The following TTYH3 variants were observed in gnomAD, a reference collection of about 807,000 sequenced individuals.
TTYH3 encodes tweety family member 3, also known as protein tweety homolog 3.
TTYH3 carries 23 observed loss-of-function variants against 68.2 expected under a neutral mutation model. The observed-to-expected ratio is 0.34, with a 90% confidence interval of 0.24 to 0.48. TTYH3 has a LOEUF of 0.48. Among genes scored for constraint, TTYH3 ranks in the 20% least tolerant of loss-of-function variants. The pLI is 0.99. For synonymous variants in TTYH3, 360 were observed against 332.8 expected, an observed-to-expected ratio of 1.08 and a Z score of -0.89; for missense variants, 768 against 727.7, an observed-to-expected ratio of 1.06 and a Z score of -0.64.
chr7:2,633,285 C>T (rs1001683991), intron 1 of TTYH3, among the ~76,000 whole-genome samples: 1 of 152,122 alleles, frequency 6.6e-6, no homozygotes, highest in Non-Finnish European at 1.5e-5. Context: ...ATCAAAATGG[C>T]TTGGGAATCC....
intron 1 of TTYH3, among the ~76,000 whole-genome samples, chr7:2,632,708 G>C (rs1785554361): frequency 6.6e-6 from 1 of 152,258 alleles, no homozygotes; most frequent in Admixed American, 6.5e-5. Flanking sequence ...ATGACCCCCA[G>C]GCTCTGAGAT....
chr7:2,634,222 CT>C (rs570451592), intron 1 of TTYH3, among the ~76,000 whole-genome samples: 2 of 152,356 alleles, frequency 1.3e-5, no homozygotes, highest in South Asian at 4.1e-4. Context: ...GGCGTGCGTC[CT>C]GCCCCTGCCC....
In TTYH3 at chr7:2,652,181, C is replaced by A. The variant is rs1163715766; in HGVS notation, c.872-6C>A. On this transcript the variant is annotated splice_polypyrimidine_tract_variant and splice_region_variant and intron_variant, in intron 7 of 13. Transcript: ENST00000258796. ...CAGCTCAGCCTTCCCTGATGTCTCT[C>A]CGCAGACATCCTGCAGTACTACCTG... The A allele has an allele frequency of 6.2e-7, 1 of 1,613,192 alleles. No individual in the cohort carries two copies. The highest frequency in any genetic ancestry group is 2.2e-5 in the East Asian group (1 of 44,882).
rs1786548277 is a variant in TTYH3, at chr7:2,663,598, C to G, written c.*1859C>G. 1.3e-5 allele frequency: 2 copies of G among 152,608 alleles called. No homozygotes were observed. Among genetic ancestry groups the G allele is most frequent in the African/African-American group, 2.4e-5 (1 of 41,460 alleles). The allele number at this position is 152,608 out of a possible 1,614,324, so 9.5% of individuals were successfully genotyped here. A position where few individuals can be genotyped will look rare whatever the true frequency, so the allele number is the denominator to read the frequency against. ...CCACAGCCAACCTGCCCAGTCTTTCCTCTGGGCTTGACCCGCCAGGGGAGT... is the reference window on the plus strand; with the variant it reads ...CCACAGCCAACCTGCCCAGTCTTTCGTCTGGGCTTGACCCGCCAGGGGAGT... On this transcript the variant is annotated 3_prime_UTR_variant, in exon 14 of 14. Transcript: ENST00000258796.
Position 2,649,602 on chromosome 7 carries a change from G to T in TTYH3, c.758G>T (p.Ser253Ile). Residue 253 changes from serine (S) to isoleucine (I), a missense_variant, in exon 6 of 14, where the codon AGC (serine) becomes ATC (isoleucine). By Grantham distance (142) the Ser-to-Ile change is moderately radical. Transcript: ENST00000258796. ...CTGGGAGTCCTGGCCCTGGTCATCA[G>T]CTGGGGCGCGCTGGGCTTGGAGCTG... Reference protein sequence around the residue: ...CLLGVLALVISWGALGLELAV... With the variant: ...CLLGVLALVIIWGALGLELAV... 1.3e-6 allele frequency: 2 copies of T among 1,597,864 alleles called. No individual in the cohort carries two copies. Among genetic ancestry groups the T allele is most frequent in the African/African-American group, 1.3e-5 (1 of 74,960 alleles).
rs767606749 is a variant in TTYH3 at position 2,656,106 on chromosome 7, C to T, written c.1035C>T (p.Arg345=). ...EQPATKDPLL[R]VQEVLNGTEV... ...GTGCCCCCCAGGACCCCCTCCTCCG[C>T]GTCCAGGAGGTGCTGAATGGCACGG... The change falls in exon 10 of 14, where the codon CGC becomes CGT. Residue 345 remains arginine, a synonymous_variant. Transcript: ENST00000258796. The T allele has an allele frequency of 1.3e-5, 20 of 1,555,164 alleles. No homozygotes were observed. The highest frequency in any genetic ancestry group is 5.4e-5 in the African/African-American group (4 of 73,398).
chr7:2,655,923 G>A (rs1185546651), intron 9 of TTYH3, among the ~76,000 whole-genome samples, 169 bp from the exon 10 acceptor site: 1 of 152,140 alleles, frequency 6.6e-6, no homozygotes, highest in Non-Finnish European at 1.5e-5. Context: ...ATTTCTCAAG[G>A]CCCAGAGTCC....
At chr7:2,642,556 A>AAAAG (rs1183712602) in intron 1 of TTYH3, among the ~76,000 whole-genome samples, 54 of 147,324 alleles carry the variant, frequency 3.7e-4, no homozygotes, top group African/African-American at 1.0e-3. Flanking sequence ...AAAAAAAAAA[A>AAAAG]AAAGAAAGAA....
intron 1 of TTYH3, among the ~76,000 whole-genome samples, chr7:2,639,901 C>T (rs1410665664): frequency 6.6e-6 from 1 of 152,202 alleles, no homozygotes; most frequent in African/African-American, 2.4e-5. Context: ...TCTCCTGCCA[C>T]CCCTGCTCAC....
At chr7:2,657,455 T>C (rs1304407481) in intron 11 of TTYH3, among the ~76,000 whole-genome samples, 1 of 149,910 alleles carries the variant, frequency 6.7e-6, no homozygotes, top group Non-Finnish European at 1.5e-5. Flanking sequence ...ATTGTTGATG[T>C]TGGTGATGGT....
chr7:2,657,730 G>A (rs569058529), intron 11 of TTYH3, among the ~76,000 whole-genome samples: 5 of 152,344 alleles, frequency 3.3e-5, no homozygotes, highest in South Asian at 2.1e-4. Context: ...TGGCCCCTGC[G>A]CAGCCAAAAG....
At chr7:2,646,161 C>T (rs1172148945) in intron 1 of TTYH3, among the ~76,000 whole-genome samples, 2 of 152,246 alleles carry the variant, frequency 1.3e-5, no homozygotes, top group African/African-American at 2.4e-5. Flanking sequence ...ATTACAGGCA[C>T]CCGCCACCAG....
At chr7:2,637,594 C>T (rs559006297) in intron 1 of TTYH3, among the ~76,000 whole-genome samples, 5 of 152,280 alleles carry the variant, frequency 3.3e-5, no homozygotes, top group South Asian at 2.1e-4. Context: ...CCTGCCCCAC[C>T]GTCAGTTCTG....
At chr7:2,658,195 T>G in intron 11 of TTYH3, 91 bp from the exon 12 acceptor site, 1 of 1,293,988 alleles carries the variant, frequency 7.7e-7, no homozygotes, top group Non-Finnish European at 1.0e-6. Context: ...GAACCAGGAG[T>G]GTCTGTCTGC....
rs1786509364 is a variant in TTYH3 at position 2,661,919 on chromosome 7, C to T, written c.*180C>T. 7 of 685,296 alleles carry T rather than the reference C, an allele frequency of 1.0e-5. No homozygotes were observed. In the Admixed American group the frequency reaches 1.3e-4, roughly 12 times the overall value. 42.5% of individuals were successfully genotyped at this position (685,296 alleles called of 1,614,324 possible). A position where few individuals can be genotyped will look rare whatever the true frequency, so the allele number is the denominator to read the frequency against. On this transcript the variant is annotated 3_prime_UTR_variant, in exon 14 of 14. Transcript: ENST00000258796. The stretch of plus-strand genomic sequence containing the variant: ...CAGGGGCACAGTGGAGACGCAGGGG[C>T]TCTGGGCCCGTACCGCCAACTCGGG...
rs1417984539 is a variant in TTYH3 at position 2,663,878 on chromosome 7, T to A, written c.*2139T>A. ...GGTTGAAGAAAGGAAACGGGGAAAA[T>A]CAAAAGGGGTTCAAACCCCACCTCA... is the stretch of plus-strand genomic sequence containing the variant. On this transcript the variant is annotated 3_prime_UTR_variant, in exon 14 of 14. Coordinates refer to ENST00000258796, the MANE Select transcript of TTYH3 (RefSeq NM_025250.3). 6.6e-6 allele frequency: 1 copy of A among 152,380 alleles called. No individual in the cohort carries two copies. The highest frequency in any genetic ancestry group is 1.5e-5 in the Non-Finnish European group (1 of 68,034). 9.4% of individuals were successfully genotyped at this position (152,380 alleles called of 1,614,324 possible).
Position 2,642,185 on chromosome 7 carries a change from A to G in TTYH3, c.124-4668A>G, listed in dbSNP as rs181216632. ...CGAGGCAGGTGGATTGCTTGAGCCC[A>G]GAAGTTCAAGACCAGCCTGGGCAAC... On this transcript the variant is annotated intron_variant, in intron 1 of 13. Transcript: ENST00000258796. 2.3e-3 allele frequency among the ~76,000 whole-genome samples: 351 copies of G among 152,338 alleles called. 3 individuals are homozygous for G. The highest frequency in any genetic ancestry group is 7.7e-3 in the African/African-American group (322 of 41,570).
chr7:2,661,319 G>C (rs1024777976), intron 13 of TTYH3, among the ~76,000 whole-genome samples: 3 of 152,170 alleles, frequency 2.0e-5, no homozygotes, highest in African/African-American at 7.2e-5. Context: ...CCTTGGAGCT[G>C]TGGCTCCTGG....
intron 1 of TTYH3, among the ~76,000 whole-genome samples, chr7:2,646,470 G>A (rs1354403680): frequency 6.6e-6 from 1 of 152,244 alleles, no homozygotes; most frequent in Non-Finnish European, 1.5e-5. Context: ...TCTCCTTGGG[G>A]CCTGGTGGGG....
Sources: allele counts gnomAD v4.1 joint callset (sites outside exome capture counted in the v4.1 genomes callset), GRCh38; gene constraint gnomAD v4.1.1; transcripts MANE v1.5; gene names NCBI Gene and HGNC (gene_info 2026-07-23, HGNC 2026-07-21).